The following PRICKLE2 variants were observed in gnomAD, a reference collection of about 807,000 sequenced individuals.
PRICKLE2 encodes the protein prickle planar cell polarity protein 2.
Under a neutral mutation model 81.4 loss-of-function variants are expected in PRICKLE2, and 21 were observed. That is an observed-to-expected ratio of 0.26 (90% CI 0.18 to 0.37). The LOEUF is 0.37. Among genes scored for constraint, PRICKLE2 ranks in the 10% least tolerant of loss-of-function variants. The pLI is 1.00. For missense variants in PRICKLE2, 940 were observed against 1,109.0 expected, an observed-to-expected ratio of 0.85 and a Z score of 2.16; for synonymous variants, 456 against 421.5, an observed-to-expected ratio of 1.08 and a Z score of -1.00.
intron 3 of PRICKLE2, 47 bp downstream of exon 3, chr3:64,162,969 T>C: frequency 8.8e-7 from 1 of 1,130,416 alleles, no homozygotes; most frequent in African/African-American, 1.5e-5. Flanking sequence ...TAACAATTCA[T>C]AGAAGGCACT....
intron 1 of PRICKLE2, among the ~76,000 whole-genome samples, chr3:64,210,619 G>A (rs372300054): frequency 1.3e-5 from 2 of 152,196 alleles, no homozygotes; most frequent in East Asian, 3.9e-4. Context: ...AATTTTCAGG[G>A]GCAGTTGTTT....
At chr3:64,266,201 GA>G (rs5849582) in intron 2 of PRICKLE2, among the ~76,000 whole-genome samples, 86,241 of 146,608 alleles carry the variant, frequency 0.59, 25,834 homozygotes, top group South Asian at 0.71. Flanking sequence ...CACCGCAAAA[GA>G]AAAAAAAAAA....
chr3:64,225,421 C>G lies in PRICKLE2; in HGVS notation c.-552G>C, dbSNP rs2079017666. 4 of 985,356 alleles carry G rather than the reference C, an allele frequency of 4.1e-6. No homozygotes were observed. The highest frequency in any genetic ancestry group is 4.8e-6 in the Non-Finnish European group (4 of 829,980). The allele number at this position is 985,356 out of a possible 1,614,324, so 61.0% of individuals were successfully genotyped here. On this transcript the variant is annotated 5_prime_UTR_variant, in exon 1 of 8. Coordinates refer to ENST00000638394, the MANE Select transcript of PRICKLE2 (RefSeq NM_198859.4). Reference sequence around the variant, plus strand: ...CTGCTTGGTCAAAAAATAATAATAACTCTCGGTGGCGCTGCTGGTGGTGCC... The same window carrying G: ...CTGCTTGGTCAAAAAATAATAATAAGTCTCGGTGGCGCTGCTGGTGGTGCC...
At chr3:64,163,580 G>T (rs966937022) in intron 2 of PRICKLE2, 2 of 199,828 alleles carry the variant, frequency 1.0e-5, no homozygotes, top group Admixed American at 1.1e-4. Context: ...AAACCCCTAG[G>T]TACCTCAGCC....
Position 64,092,987 on chromosome 3 carries a change from A to C in PRICKLE2, c.*6064T>G, listed in dbSNP as rs2076525994. 1 of 152,404 alleles carries C rather than the reference A, an allele frequency of 6.6e-6. No individual in the cohort carries two copies. The highest frequency in any genetic ancestry group is 2.4e-5 in the African/African-American group (1 of 41,466). 9.4% of individuals were successfully genotyped at this position (152,404 alleles called of 1,614,324 possible). On this transcript the variant is annotated 3_prime_UTR_variant, in exon 8 of 8. Coordinates refer to ENST00000638394, the MANE Select transcript of PRICKLE2 (RefSeq NM_198859.4). ...TCTCCAGAACTCTTTTCATCTTGCC[A>C]TAATGAAACTCTATACCCATTAAAT...
chr3:64,182,896 A>G (rs938432781), intron 2 of PRICKLE2, among the ~76,000 whole-genome samples: 3 of 152,166 alleles, frequency 2.0e-5, no homozygotes, highest in African/African-American at 7.2e-5. Flanking sequence ...TAAAAAAAAT[A>G]GAACACAAGA....
At chr3:64,241,472 T>C (rs1304503627) in intron 2 of PRICKLE2, among the ~76,000 whole-genome samples, 3 of 152,252 alleles carry the variant, frequency 2.0e-5, no homozygotes, top group Non-Finnish European at 4.4e-5. Context: ...TATATGTAAG[T>C]AACATGGTTA....
chr3:64,238,066 T>C (rs973001878), intron 2 of PRICKLE2, among the ~76,000 whole-genome samples: 1 of 152,188 alleles, frequency 6.6e-6, no homozygotes, highest in Non-Finnish European at 1.5e-5. Context: ...GCAGCCACCA[T>C]CTTGATCAGG....
chr3:64,151,694 C>A (rs547608273), intron 6 of PRICKLE2, among the ~76,000 whole-genome samples: 1 of 152,328 alleles, frequency 6.6e-6, no homozygotes, highest in Admixed American at 6.5e-5. Flanking sequence ...CAAGACATTG[C>A]ACCATTTTCC....
At chr3:64,198,165 T>C (rs1282019265) in intron 2 of PRICKLE2, among the ~76,000 whole-genome samples, 1 of 151,460 alleles carries the variant, frequency 6.6e-6, no homozygotes, top group African/African-American at 2.4e-5. Context: ...TGAGCCAAGA[T>C]CGCGCCACTG....
At chr3:64,166,934 G>A (rs765965482) in intron 2 of PRICKLE2, among the ~76,000 whole-genome samples, 4 of 152,178 alleles carry the variant, frequency 2.6e-5, no homozygotes, top group Non-Finnish European at 5.9e-5. Context: ...ACTGAGCAAA[G>A]GGGATTAACG....
intron 7 of PRICKLE2, among the ~76,000 whole-genome samples, chr3:64,109,759 C>T (rs1300300488): frequency 2.0e-5 from 3 of 152,142 alleles, no homozygotes; most frequent in Non-Finnish European, 4.4e-5. Context: ...TTGGTTTTCC[C>T]AACAATAGCG....
chr3:64,183,890 C>T, intron 2 of PRICKLE2, among the ~76,000 whole-genome samples: 1 of 152,186 alleles, frequency 6.6e-6, no homozygotes, highest in South Asian at 2.1e-4. Flanking sequence ...GTCTACATTC[C>T]CTGGGTATTT....
rs115572136 is a variant in PRICKLE2, at chr3:64,264,357, T to G, written c.129-65390A>C. 9.7e-3 allele frequency among the ~76,000 whole-genome samples: 1,475 copies of G among 152,300 alleles called. 28 individuals carry two copies. The highest frequency in any genetic ancestry group is 0.033 in the African/African-American group (1,383 of 41,552). ...TCAAGATAAAGTCCAGAGTTCCACC[T>G]GGATATTTCTTAAATGCAGATTTCC... On this transcript the variant is annotated intron_variant, in intron 2 of 8. Transcript: ENST00000295902.
chr3:64,150,483 T>C (rs988109125), intron 6 of PRICKLE2, among the ~76,000 whole-genome samples: 2 of 152,164 alleles, frequency 1.3e-5, no homozygotes, highest in South Asian at 2.1e-4. Context: ...ACTGCCCAGA[T>C]GCATTCCAAG....
chr3:64,099,827 G>C lies in PRICKLE2; in HGVS notation c.1759C>G (p.Leu587Val), dbSNP rs199722440. The C allele has an allele frequency of 6.2e-7, 1 of 1,614,206 alleles. No homozygotes were observed. The highest frequency in any genetic ancestry group is 1.3e-5 in the African/African-American group (1 of 75,046). The part of the protein sequence containing the change: ...KDSGMNVSEK[L>V]SNMGTLNSSM... ...GAGTTAAGAGTGCCCATGTTGCTCA[G>C]CTTCTCAGACACATTCATTCCAGAG... The change falls in exon 8 of 8, where the codon CTG (leucine) becomes GTG (valine). Residue 587 changes from leucine to valine, a missense_variant. Leu to Val is a conservative substitution (Grantham distance 32). Transcript: ENST00000638394. The surrounding 1 kb of genome is among the most constrained non-coding windows in gnomAD (Gnocchi z 4.3).
At position 64,099,524 on chromosome 3, in the gene PRICKLE2, T is replaced by C; in HGVS notation, c.2062A>G (p.Arg688Gly). 6.2e-7 allele frequency: 1 copy of C among 1,607,736 alleles called. No individual in the cohort carries two copies. The highest frequency in any genetic ancestry group is 8.5e-7 in the Non-Finnish European group (1 of 1,174,760). The change falls in exon 8 of 8, where the codon AGG becomes GGG. Residue 688 changes from arginine to glycine, a missense_variant. By Grantham distance (125) the Arg-to-Gly change is moderately radical. Around this residue, in one of 2 missense-constraint regions of PRICKLE2, gnomAD observed 670 missense variants for 717.2 expected, o/e 0.93. Transcript: ENST00000638394. This position sits in a 1 kb window ranked among gnomAD's most constrained non-coding sequence, Gnocchi z 4.3. The stretch of plus-strand genomic sequence containing the variant: ...TCGGAGCGAGAGCGTCGGGAACGCC[T>C]GGACCTGTGAGGTCGGAAACGGCGG... ...DNRRFRPHRS[R>G]RSRRSRSDNA...
At chr3:64,239,271 G>A (rs1477298268) in intron 2 of PRICKLE2, among the ~76,000 whole-genome samples, 1 of 152,148 alleles carries the variant, frequency 6.6e-6, no homozygotes, top group Non-Finnish European at 1.5e-5. Flanking sequence ...CGTCCTCTCT[G>A]CTCAACTCAT....
In PRICKLE2 at chr3:64,157,382, A is replaced by G; in HGVS notation, c.397-17T>C. 1 of 1,611,646 alleles carries G rather than the reference A, an allele frequency of 6.2e-7. No homozygotes were observed. The highest frequency in any genetic ancestry group is 1.1e-5 in the South Asian group (1 of 90,916). ...GCCTCCGCACTGTGAGGCAAACAGA[A>G]ACATCAGTAGTCACACTAGCCCCCA... is the stretch of plus-strand genomic sequence containing the variant. On this transcript the variant is annotated splice_polypyrimidine_tract_variant and intron_variant, in intron 4 of 7. Coordinates refer to ENST00000638394, the MANE Select transcript of PRICKLE2 (RefSeq NM_198859.4).
Sources: allele counts gnomAD v4.1 joint callset (sites outside exome capture counted in the v4.1 genomes callset), GRCh38; gene constraint gnomAD v4.1.1; regional missense constraint gnomAD v4.1.1; non-coding constraint Gnocchi (gnomAD v3.1); transcripts MANE v1.5; gene names NCBI Gene and HGNC (gene_info 2026-07-23, HGNC 2026-07-21).